The following ACYP2 variants were observed in gnomAD, a reference collection of about 807,000 sequenced individuals.
ACYP2 encodes the protein acylphosphatase-2.
Under a neutral mutation model 11.2 loss-of-function variants are expected in ACYP2, and 12 were observed. The ratio of observed to expected loss-of-function variants is 1.08; its 90% confidence interval spans 0.69 to 1.74. The LOEUF (loss-of-function observed/expected upper bound fraction) is 1.74. ACYP2 is among the 40% of genes most tolerant of loss of function. The pLI is 0.00. For missense variants in ACYP2, 134 were observed against 101.9 expected (o/e 1.31, Z -1.35); for synonymous variants, 43 against 32.2 (o/e 1.33, Z -1.13).
chr2:54,271,557 C>T (rs888954007), intron 6 of ACYP2, among the ~76,000 whole-genome samples: 3 of 152,070 alleles, frequency 2.0e-5, no homozygotes, highest in African/African-American at 7.2e-5. Context: ...AATCAATCAT[C>T]GGCACCCATT....
chr2:54,051,452 T>A, intron 3 of ACYP2: 2 of 693,220 alleles, frequency 2.9e-6, no homozygotes, highest in East Asian at 2.5e-5. Flanking sequence ...CCTAAACGGG[T>A]GACAAAAAAG....
chr2:54,137,647 G>A, intron 5 of ACYP2, among the ~76,000 whole-genome samples: 1 of 152,182 alleles, frequency 6.6e-6, no homozygotes, highest in East Asian at 1.9e-4. Flanking sequence ...ATTCCATGGT[G>A]TATATGTACC....
At chr2:53,980,386 A>G (rs1004028459) in intron 2 of ACYP2, among the ~76,000 whole-genome samples, 9 of 151,758 alleles carry the variant, frequency 5.9e-5, no homozygotes, top group African/African-American at 2.2e-4. Context: ...TAAAAAGAAA[A>G]AGTTACAGTA....
rs58842257 is a variant in ACYP2, at chr2:54,102,638, CAAAAAA to C, written c.278-32784_278-32779del. Among the ~76,000 whole-genome samples the C allele has an allele frequency of 9.9e-3, 817 of 82,732 alleles. 1 individual carries two copies. The highest frequency in any genetic ancestry group is 0.04 in the African/African-American group (660 of 16,708). 54.3% of individuals were successfully genotyped at this position (82,732 alleles called of 152,430 possible). On this transcript the variant is annotated intron_variant, in intron 4 of 6. Transcript: ENST00000607452. ...AAACCCAATTTAAGCTGGCTTAAGC[CAAAAAA>C]AAAAAAAAAAAAAAAAAAAAAAAAA... is the stretch of plus-strand genomic sequence containing the variant.
At chr2:54,106,502 T>C (rs909112106) in intron 4 of ACYP2, among the ~76,000 whole-genome samples, 16 of 152,222 alleles carry the variant, frequency 1.1e-4, no homozygotes, top group African/African-American at 3.9e-4. Flanking sequence ...ACAGTCTTTA[T>C]GAAAAGCTAA....
chr2:54,190,310 C>T (rs1248797927), intron 6 of ACYP2, among the ~76,000 whole-genome samples: 1 of 152,144 alleles, frequency 6.6e-6, no homozygotes, highest in Non-Finnish European at 1.5e-5. Context: ...CCCCAATCCA[C>T]TTTCCAGACC....
intron 4 of ACYP2, among the ~76,000 whole-genome samples, chr2:54,132,431 G>A (rs1233145940): frequency 6.6e-6 from 1 of 151,986 alleles, no homozygotes; most frequent in Non-Finnish European, 1.5e-5. Context: ...AACTCCATTT[G>A]TGATACTATC....
intron 2 of ACYP2, among the ~76,000 whole-genome samples, chr2:53,994,733 C>G (rs1358404718): frequency 6.6e-6 from 1 of 152,136 alleles, no homozygotes; most frequent in South Asian, 2.1e-4. Context: ...TATAGGATAG[C>G]AATTTTATTC....
chr2:54,038,984 A>AATGAGTGAGTCATAT (rs1675068648), intron 2 of ACYP2, among the ~76,000 whole-genome samples: 1 of 151,822 alleles, frequency 6.6e-6, no homozygotes, highest in Non-Finnish European at 1.5e-5. Flanking sequence ...TGAGTGAGTG[A>AATGAGTGAGTCATAT]ATGAGTGAGT....
intron 4 of ACYP2, among the ~76,000 whole-genome samples, chr2:54,107,230 T>C (rs1344667818): frequency 6.6e-6 from 1 of 152,174 alleles, no homozygotes; most frequent in Non-Finnish European, 1.5e-5. Context: ...TAAAATAATA[T>C]AGCTGCAAAC....
At chr2:54,065,372 A>C in intron 4 of ACYP2, 1 of 397,470 alleles carries the variant, frequency 2.5e-6, no homozygotes, top group Non-Finnish European at 4.4e-6. Context: ...ATGGCTGATC[A>C]AAATGATTTT....
Position 54,120,226 on chromosome 2 carries a change from C to T in ACYP2, c.278-15227C>T, listed in dbSNP as rs151116724. On this transcript the variant is annotated intron_variant, in intron 4 of 6. Transcript: ENST00000607452. ...ATCTTCACATTCTCAAGGAGCTCCA[C>T]GTTTTTTCCCCATCAACTTCCCTTG... Among the ~76,000 whole-genome samples, 179 of 152,266 alleles carry T rather than the reference C, an allele frequency of 1.2e-3. 1 individual carries two copies. The highest frequency in any genetic ancestry group is 4.2e-3 in the African/African-American group (173 of 41,546).
chr2:54,115,686 G>A, intron 4 of ACYP2: 2 of 1,609,780 alleles, frequency 1.2e-6, no homozygotes, highest in Non-Finnish European at 1.7e-6. Context: ...TCAACAGAGG[G>A]CTCGCCGCCG....
chr2:54,168,902 CT>C (rs1354932810), intron 6 of ACYP2, among the ~76,000 whole-genome samples: 9 of 152,124 alleles, frequency 5.9e-5, no homozygotes, highest in African/African-American at 2.2e-4. Flanking sequence ...CATGCTTTCA[CT>C]TAAATGGCCT....
At chr2:54,212,423 T>C (rs1685365735) in intron 6 of ACYP2, among the ~76,000 whole-genome samples, 1 of 152,202 alleles carries the variant, frequency 6.6e-6, no homozygotes, top group Non-Finnish European at 1.5e-5. Flanking sequence ...TGTAATCTCC[T>C]TTTCCCTGCA....
At chr2:54,271,064 C>T (rs1688275884) in intron 6 of ACYP2, among the ~76,000 whole-genome samples, 1 of 152,290 alleles carries the variant, frequency 6.6e-6, no homozygotes. Flanking sequence ...TGCTTCTTGC[C>T]TCACAGGTGG....
chr2:54,077,081 T>A (rs1019522759), intron 4 of ACYP2, among the ~76,000 whole-genome samples: 1 of 152,324 alleles, frequency 6.6e-6, no homozygotes, highest in Admixed American at 6.5e-5. Context: ...TACCCTCACT[T>A]TGAGTTACTA....
chr2:54,034,746 C>G (rs940668989), intron 2 of ACYP2, among the ~76,000 whole-genome samples: 1 of 152,066 alleles, frequency 6.6e-6, no homozygotes, highest in Non-Finnish European at 1.5e-5. Context: ...CACGGTGGCT[C>G]ACGCCTGTAA....
intron 4 of ACYP2, among the ~76,000 whole-genome samples, chr2:54,114,945 TACTA>T (rs1385267923): frequency 1.3e-5 from 2 of 151,846 alleles, no homozygotes; most frequent in Non-Finnish European, 2.9e-5. Flanking sequence ...ATAAATAATT[TACTA>T]ACTCTCAAAA....
Sources: gnomAD v4.1 joint callset for allele counts (sites outside exome capture counted in the v4.1 genomes callset) on GRCh38, gnomAD v4.1.1 for gene constraint, MANE v1.5 for transcripts, NCBI Gene and HGNC (gene_info 2026-07-23, HGNC 2026-07-21) for gene names.